AGK: variants seen among roughly 807,000 people sequenced by gnomAD.
The protein encoded by AGK is acylglycerol kinase, mitochondrial.
A neutral mutation model predicts 66.4 loss-of-function variants in AGK; 52 were observed. The observed-to-expected ratio is 0.78, with a 90% CI of 0.63 to 0.99. The LOEUF (loss-of-function observed/expected upper bound fraction) is 0.99. Ranked by LOEUF, AGK falls within the 50% of genes least tolerant of loss-of-function variation. The pLI, the probability that AGK is intolerant of heterozygous loss-of-function variation, is 0.00. For synonymous variants in AGK, 182 were observed against 181.1 expected (o/e 1.00, Z -0.04); for missense variants, 451 against 506.6 (o/e 0.89, Z 1.05).
intron 2 of AGK, among the ~76,000 whole-genome samples, chr7:141,559,357 T>G (rs1274034553): frequency 6.6e-6 from 1 of 152,160 alleles, no homozygotes; most frequent in African/African-American, 2.4e-5. Flanking sequence ...TCCATTACCA[T>G]TTGTTGAAGA....
At chr7:141,606,851 C>T (rs1027230817) in intron 5 of AGK, among the ~76,000 whole-genome samples, 1 of 152,176 alleles carries the variant, frequency 6.6e-6, no homozygotes, top group African/African-American at 2.4e-5. Flanking sequence ...CTTCCCTCCA[C>T]AGCTGTTTTT....
At chr7:141,637,636 TA>T (rs1369357603) in intron 11 of AGK, among the ~76,000 whole-genome samples, 1 of 152,210 alleles carries the variant, frequency 6.6e-6, no homozygotes, top group Non-Finnish European at 1.5e-5. Flanking sequence ...GACTACAGAC[TA>T]TATTCAGCTT....
intron 9 of AGK, among the ~76,000 whole-genome samples, chr7:141,631,848 C>T (rs1285992603): frequency 6.6e-6 from 1 of 152,186 alleles, no homozygotes; most frequent in Non-Finnish European, 1.5e-5. Flanking sequence ...TCCCTCTGAC[C>T]TCTCCGGCCT....
At chr7:141,641,729 G>A in intron 12 of AGK, 82 bp from the exon 13 acceptor site, 1 of 1,138,032 alleles carries the variant, frequency 8.8e-7, no homozygotes, top group African/African-American at 1.5e-5. Context: ...AAGCTGAGCT[G>A]AGCAGCTAGC....
intron 2 of AGK, among the ~76,000 whole-genome samples, chr7:141,585,037 C>T (rs1412918304): frequency 6.6e-6 from 1 of 152,142 alleles, no homozygotes; most frequent in Non-Finnish European, 1.5e-5. Flanking sequence ...AAGAGATAAC[C>T]TTGTTTGGTT....
chr7:141,555,450 T>G lies in AGK; in HGVS notation c.-14-3T>G. On this transcript the variant is annotated splice_polypyrimidine_tract_variant and splice_region_variant and intron_variant, in intron 1 of 15. Transcript: ENST00000649286. The surrounding 1 kb of genome is among the most constrained non-coding windows in gnomAD (Gnocchi z 4.2). Reference sequence around the variant, plus strand: ...TTTTCTCTTTCCGCCTCTACTAACCTAGCAAATCTCTAGAAGATGACGGTG... The same window carrying G: ...TTTTCTCTTTCCGCCTCTACTAACCGAGCAAATCTCTAGAAGATGACGGTG... The G allele has an allele frequency of 6.2e-7, 1 of 1,603,872 alleles. No individual in the cohort carries two copies. The highest frequency in any genetic ancestry group is 1.1e-5 in the South Asian group (1 of 90,564).
At chr7:141,604,360 A>G (rs1465293577) in intron 5 of AGK, among the ~76,000 whole-genome samples, 4 of 113,640 alleles carry the variant, frequency 3.5e-5, no homozygotes, top group Admixed American at 1.0e-4. Flanking sequence ...ATATGTATGA[A>G]TGTGTGTGTG....
chr7:141,597,865 T>TG (rs1796258577), intron 4 of AGK, among the ~76,000 whole-genome samples: 1 of 121,398 alleles, frequency 8.2e-6, no homozygotes, highest in African/African-American at 3.4e-5. Context: ...CAGTCCAGCC[T>TG]GGGCAATAGA....
chr7:141,639,185 CTGGGCAGCCTCCAAAGTG>C lies in AGK; in HGVS notation c.727-2059_727-2042del, dbSNP rs1400951881. ...CATCGAATTTGGCAGCCTCCAAAAG[CTGGGCAGCCTCCAAAGTG>C]TGGTGGCTGAAGCCAGACTGAAGAA... On this transcript the variant is annotated intron_variant, in intron 11 of 15. Coordinates refer to ENST00000649286, the MANE Select transcript of AGK (RefSeq NM_018238.4). Among the ~76,000 whole-genome samples the C allele has an allele frequency of 3.3e-5, 5 of 152,250 alleles. No homozygotes were observed. In the East Asian group the frequency reaches 9.7e-4, roughly 29 times the overall value.
At chr7:141,650,102 C>T (rs1797519880) in intron 14 of AGK, among the ~76,000 whole-genome samples, 1 of 152,212 alleles carries the variant, frequency 6.6e-6, no homozygotes, top group Non-Finnish European at 1.5e-5. Flanking sequence ...CCTCTCGTGC[C>T]CATTTAGGGA....
intron 13 of AGK, among the ~76,000 whole-genome samples, chr7:141,646,794 T>G (rs1056653904): frequency 1.3e-5 from 2 of 152,226 alleles, no homozygotes; most frequent in Non-Finnish European, 2.9e-5. Context: ...ATTCTCTGGT[T>G]GCTTTCAGCT....
intron 13 of AGK, among the ~76,000 whole-genome samples, chr7:141,648,399 T>G (rs1259142019): frequency 6.6e-6 from 1 of 152,192 alleles, no homozygotes; most frequent in Non-Finnish European, 1.5e-5. Flanking sequence ...CAGTAAGTAG[T>G]TAAATAAAAG....
At chr7:141,604,374 G>GTATATATATATATATATATATATA (rs368893843) in intron 5 of AGK, among the ~76,000 whole-genome samples, 14 of 113,798 alleles carry the variant, frequency 1.2e-4, no homozygotes, top group Admixed American at 2.7e-4. Flanking sequence ...GTGTGTGTGT[G>GTATATATATATATATATATATATA]TATATATATA....
At chr7:141,632,185 C>G (rs550246191) in intron 9 of AGK, among the ~76,000 whole-genome samples, 1 of 151,222 alleles carries the variant, frequency 6.6e-6, no homozygotes, top group East Asian at 2.0e-4. Flanking sequence ...TAGCCGAGAT[C>G]GTGCCACTGC....
In AGK at chr7:141,551,463, C is replaced by T. The variant is rs1165527402; in HGVS notation, c.-15+29C>T. 7 of 153,290 alleles carry T rather than the reference C, an allele frequency of 4.6e-5. No individual in the cohort carries two copies. The South Asian group carries it at 1.0e-3, about 23-fold the overall frequency. 9.5% of individuals were successfully genotyped at this position (153,290 alleles called of 1,614,324 possible). On this transcript the variant is annotated intron_variant, in intron 1 of 15. Transcript: ENST00000649286. Reference sequence around the variant, plus strand: ...AGTGCAGCGGCGCCCAGGCGGGGAGCGCAGTGCGGGTCGCTGGGACTGAGC... The same window carrying T: ...AGTGCAGCGGCGCCCAGGCGGGGAGTGCAGTGCGGGTCGCTGGGACTGAGC...
chr7:141,648,253 T>G (rs1797465599), intron 13 of AGK, among the ~76,000 whole-genome samples: 1 of 152,208 alleles, frequency 6.6e-6, no homozygotes, highest in Non-Finnish European at 1.5e-5. Flanking sequence ...CTAACAGAGT[T>G]TATAATTTAC....
At chr7:141,636,029 G>C (rs1035705035) in intron 10 of AGK, among the ~76,000 whole-genome samples, 2 of 152,220 alleles carry the variant, frequency 1.3e-5, no homozygotes, top group Non-Finnish European at 2.9e-5. Flanking sequence ...TAAGTTTTAA[G>C]AGAAGAATCT....
At chr7:141,627,428 C>T (rs921209381) in intron 9 of AGK, among the ~76,000 whole-genome samples, 6 of 152,112 alleles carry the variant, frequency 3.9e-5, no homozygotes, top group Admixed American at 6.6e-5. Context: ...TATTCATTCA[C>T]GTTCCCTGAT....
intron 5 of AGK, among the ~76,000 whole-genome samples, chr7:141,602,173 T>TGTGTGTGTGTGTGTGTGTGTGTGTGTGTG (rs1587114560): frequency 2.0e-4 from 25 of 125,312 alleles, no homozygotes; most frequent in East Asian, 1.8e-3. Context: ...GGAGATTTTC[T>TGTGTGTGTGTGTGTGTGTGTGTGTGTGTG]TGTGTGTGTG....
Sources: gnomAD v4.1 joint callset for allele counts (sites outside exome capture counted in the v4.1 genomes callset) on GRCh38, gnomAD v4.1.1 for gene constraint, Gnocchi (gnomAD v3.1) non-coding constraint, MANE v1.5 for transcripts, NCBI Gene and HGNC (gene_info 2026-07-23, HGNC 2026-07-21) for gene names.